Variants in SPIN1 observed in about 807,000 individuals in gnomAD.
SPIN1 encodes the protein spindlin-1.
A neutral mutation model predicts 26.0 loss-of-function variants in SPIN1; 3 were observed. That is an observed-to-expected ratio of 0.12 (90% CI 0.05 to 0.30). The LOEUF (loss-of-function observed/expected upper bound fraction) is 0.30, where lower values mean the gene tolerates loss of function less well. SPIN1 is among the 10% of genes least tolerant of loss of function. The pLI is 1.00. For synonymous variants in SPIN1, 101 were observed against 116.5 expected, an observed-to-expected ratio of 0.87 and a Z score of 0.86; for missense variants, 126 against 333.4, an observed-to-expected ratio of 0.38 and a Z score of 4.84.
intron 2 of SPIN1, among the ~76,000 whole-genome samples, chr9:88,447,810 C>T (rs999182306): frequency 6.6e-6 from 1 of 152,178 alleles, no homozygotes; most frequent in African/African-American, 2.4e-5. Context: ...GTTCTTGGTT[C>T]CCCCTTCATA....
At chr9:88,399,797 G>A (rs1827148352) in intron 1 of SPIN1, among the ~76,000 whole-genome samples, 1 of 152,184 alleles carries the variant, frequency 6.6e-6, no homozygotes, top group South Asian at 2.1e-4. Context: ...GCTCAGCCAA[G>A]TTCAAACCAT....
intron 2 of SPIN1, among the ~76,000 whole-genome samples, chr9:88,446,771 G>T (rs1421040655): frequency 1.3e-5 from 2 of 152,110 alleles, no homozygotes; most frequent in African/African-American, 4.8e-5. Flanking sequence ...CGTTGTTTCT[G>T]ACATCAATTT....
chr9:88,458,402 G>A (rs1828514527), intron 3 of SPIN1, among the ~76,000 whole-genome samples: 1 of 152,190 alleles, frequency 6.6e-6, no homozygotes. Flanking sequence ...AGTTTGAGGA[G>A]GACTCTTGGC....
chr9:88,452,169 G>A (rs1402956632), intron 3 of SPIN1, among the ~76,000 whole-genome samples: 1 of 152,094 alleles, frequency 6.6e-6, no homozygotes, highest in Non-Finnish European at 1.5e-5. Flanking sequence ...ACTCCTCCTT[G>A]TCCCTAGTGT....
intron 2 of SPIN1, among the ~76,000 whole-genome samples, chr9:88,445,694 C>T (rs1051103669): frequency 2.7e-5 from 4 of 147,596 alleles, no homozygotes; most frequent in African/African-American, 9.9e-5. Flanking sequence ...CTATGCCCAG[C>T]TTTTTTTTTT....
chr9:88,401,718 G>A (rs919150225), intron 1 of SPIN1, among the ~76,000 whole-genome samples: 3 of 152,170 alleles, frequency 2.0e-5, no homozygotes, highest in Non-Finnish European at 4.4e-5. Context: ...GAGCTGAAGG[G>A]ATAAGAGGCC....
chr9:88,450,473 CTCTTGG>C (rs1223729156), intron 3 of SPIN1, among the ~76,000 whole-genome samples: 2,547 of 152,220 alleles, frequency 0.017, 70 homozygotes, highest in African/African-American at 0.059. Flanking sequence ...TAGGTTTGAG[CTCTTGG>C]GCATGTTATT....
chr9:88,428,236 A>G (rs1443298113), intron 2 of SPIN1, among the ~76,000 whole-genome samples: 2 of 152,140 alleles, frequency 1.3e-5, no homozygotes, highest in Non-Finnish European at 1.5e-5. Flanking sequence ...TTACAAGGGT[A>G]TATTGTATGG....
chr9:88,452,458 A>G (rs1043100873), intron 3 of SPIN1, among the ~76,000 whole-genome samples: 2 of 152,202 alleles, frequency 1.3e-5, no homozygotes, highest in South Asian at 2.1e-4. Flanking sequence ...GCGGGCATCT[A>G]TGTGCACCAT....
intron 2 of SPIN1, among the ~76,000 whole-genome samples, chr9:88,427,286 A>G (rs947023016): frequency 2.0e-5 from 3 of 152,198 alleles, no homozygotes; most frequent in Non-Finnish European, 4.4e-5. Context: ...TACAAACTTA[A>G]GTGATTTAGA....
intron 5 of SPIN1, among the ~76,000 whole-genome samples, chr9:88,473,370 G>A (rs1362787014): frequency 6.8e-6 from 1 of 147,846 alleles, no homozygotes; most frequent in Non-Finnish European, 1.5e-5. Context: ...TCCAGCCTGG[G>A]CGAGAAGAGC....
intron 1 of SPIN1, among the ~76,000 whole-genome samples, chr9:88,389,177 G>A (rs1195228309): frequency 6.6e-6 from 1 of 152,292 alleles, no homozygotes; most frequent in East Asian, 1.9e-4. Context: ...TCGCGCCCGC[G>A]CAGCCCCTTT....
At chr9:88,392,617 T>C (rs1237461703) in intron 1 of SPIN1, among the ~76,000 whole-genome samples, 5 of 152,004 alleles carry the variant, frequency 3.3e-5, no homozygotes, top group Admixed American at 6.6e-5. Context: ...CCTTCCTTCC[T>C]TCTTTCCTTC....
chr9:88,461,691 A>T (rs540346995), intron 3 of SPIN1, among the ~76,000 whole-genome samples: 8 of 152,138 alleles, frequency 5.3e-5, no homozygotes, highest in Admixed American at 1.3e-4. Context: ...AGCATCTGTT[A>T]TCTTGGTTTT....
intron 2 of SPIN1, among the ~76,000 whole-genome samples, chr9:88,445,518 T>TTTATTATTA (rs138265190): frequency 0.023 from 3,128 of 134,548 alleles, 49 homozygotes; most frequent in East Asian, 0.048. Flanking sequence ...TATTGAGACT[T>TTTATTATTA]TTATTATTAT....
Position 88,477,686 on chromosome 9 carries a change from T to C in SPIN1, c.*2409T>C, listed in dbSNP as rs1182905434. ...ATGTGTCAGATCTGCATGCATTGCTTGCATTTTTCTGGTATCTGAATGTTG... is the reference window on the plus strand; with the variant it reads ...ATGTGTCAGATCTGCATGCATTGCTCGCATTTTTCTGGTATCTGAATGTTG... On this transcript the variant is annotated 3_prime_UTR_variant, in exon 6 of 6. Transcript: ENST00000375859. 1 of 152,648 alleles carries C rather than the reference T, an allele frequency of 6.6e-6. No individual in the cohort carries two copies. The highest frequency in any genetic ancestry group is 1.5e-5 in the Non-Finnish European group (1 of 68,042). 9.5% of individuals were successfully genotyped at this position (152,648 alleles called of 1,614,324 possible). A position where few individuals can be genotyped will look rare whatever the true frequency, so the allele number is the denominator to read the frequency against.
chr9:88,428,431 A>G (rs1827802850), intron 2 of SPIN1, among the ~76,000 whole-genome samples: 1 of 152,190 alleles, frequency 6.6e-6, no homozygotes. Context: ...AATATGCAAT[A>G]TTTGGTTTTC....
intron 1 of SPIN1, among the ~76,000 whole-genome samples, chr9:88,401,768 A>G (rs545164911): frequency 6.6e-6 from 1 of 152,346 alleles, no homozygotes; most frequent in African/African-American, 2.4e-5. Context: ...AACATTTAAT[A>G]AGAGAAGCAA....
At chr9:88,457,386 G>A (rs989764052) in intron 3 of SPIN1, among the ~76,000 whole-genome samples, 1 of 151,990 alleles carries the variant, frequency 6.6e-6, no homozygotes, top group Non-Finnish European at 1.5e-5. Flanking sequence ...AAAATTAGCC[G>A]GGTGTGGTGG....
Sources: allele counts gnomAD v4.1 joint callset (sites outside exome capture counted in the v4.1 genomes callset), GRCh38; gene constraint gnomAD v4.1.1; transcripts MANE v1.5; gene names NCBI Gene and HGNC (gene_info 2026-07-23, HGNC 2026-07-21).